NPAS3: variants seen among roughly 807,000 people sequenced by gnomAD.
The protein encoded by NPAS3 is neuronal PAS domain protein 3, also known as neuronal PAS domain-containing protein 3.
A neutral mutation model predicts 73.1 loss-of-function variants in NPAS3; 14 were observed. The observed-to-expected ratio is 0.19, with a 90% CI of 0.13 to 0.30. The LOEUF (loss-of-function observed/expected upper bound fraction) is 0.30. NPAS3 is among the 10% of genes least tolerant of loss of function. The probability of loss-of-function intolerance (pLI) is 1.00; values close to 1 mark genes in which losing one functional copy is unlikely to be tolerated. For missense variants in NPAS3, 1,096 were observed against 1,250.0 expected, an observed-to-expected ratio of 0.88 and a Z score of 1.86; for synonymous variants, 620 against 541.5, an observed-to-expected ratio of 1.14 and a Z score of -2.01.
chr14:33,745,924 T>C (rs115082422), intron 7 of NPAS3, among the ~76,000 whole-genome samples: 2,273 of 152,290 alleles, frequency 0.015, 63 homozygotes, highest in African/African-American at 0.052. Context: ...AAGACTAATA[T>C]AGCCCTTAAT....
chr14:33,384,440 C>A (rs2046690812), intron 4 of NPAS3, among the ~76,000 whole-genome samples: 1 of 150,950 alleles, frequency 6.6e-6, no homozygotes, highest in African/African-American at 2.4e-5. Flanking sequence ...AAAACAAATA[C>A]CATTGAAGGC....
intron 5 of NPAS3, among the ~76,000 whole-genome samples, chr14:33,609,371 G>A (rs1468111895): frequency 6.6e-6 from 1 of 152,146 alleles, no homozygotes; most frequent in Non-Finnish European, 1.5e-5. Context: ...TAGACTTGAA[G>A]GATGCTTGCT....
intron 3 of NPAS3, among the ~76,000 whole-genome samples, chr14:33,273,775 T>TTG (rs1264086147): frequency 6.6e-6 from 1 of 152,192 alleles, no homozygotes; most frequent in African/African-American, 2.4e-5. Flanking sequence ...GCAGGGGTAC[T>TTG]TGTTTTGTTG....
chr14:33,517,280 A>G (rs575188319), intron 4 of NPAS3, among the ~76,000 whole-genome samples: 2 of 152,182 alleles, frequency 1.3e-5, no homozygotes, highest in Admixed American at 1.3e-4. Context: ...TCTGGCAAAC[A>G]GGCTCAGTTC....
At chr14:33,607,248 T>C (rs1202189572) in intron 5 of NPAS3, among the ~76,000 whole-genome samples, 3 of 152,138 alleles carry the variant, frequency 2.0e-5, no homozygotes, top group Non-Finnish European at 2.9e-5. Flanking sequence ...TTTGTAATAG[T>C]CAAAAACTGG....
chr14:33,486,741 T>A (rs1490219115), intron 4 of NPAS3, among the ~76,000 whole-genome samples: 1 of 152,188 alleles, frequency 6.6e-6, no homozygotes, highest in Admixed American at 6.5e-5. Context: ...ACTTGGCCCC[T>A]CCTCAGGCAG....
At chr14:33,654,156 A>C (rs1436002986) in intron 5 of NPAS3, among the ~76,000 whole-genome samples, 1 of 149,626 alleles carries the variant, frequency 6.7e-6, no homozygotes, top group Non-Finnish European at 1.5e-5. Context: ...ACAAAACCTT[A>C]GGGAATCCAC....
chr14:33,560,406 A>G (rs1173355105), intron 5 of NPAS3, 196 bp downstream of exon 5: 1 of 450,242 alleles, frequency 2.2e-6, no homozygotes, highest in East Asian at 3.4e-5. Flanking sequence ...CTTGTGCTCA[A>G]AAACTTTAGT....
At chr14:33,493,518 C>T (rs137918788) in intron 4 of NPAS3, among the ~76,000 whole-genome samples, 1 of 152,168 alleles carries the variant, frequency 6.6e-6, no homozygotes, top group African/African-American at 2.4e-5. Context: ...TGTTTGTGTA[C>T]CCACATGTTG....
Position 33,614,895 on chromosome 14 carries a change from T to C in NPAS3, c.558+54685T>C, listed in dbSNP as rs1408344365. Among the ~76,000 whole-genome samples the C allele has an allele frequency of 3.3e-5, 5 of 152,216 alleles. No individual in the cohort carries two copies. The East Asian group carries it at 5.8e-4, about 18-fold the overall frequency. Reference sequence around the variant, plus strand: ...CTGCTTAGCACTATACCAAAATTTATAGTGCAAAGCAGAATGTAAGAAGCA... The same window carrying C: ...CTGCTTAGCACTATACCAAAATTTACAGTGCAAAGCAGAATGTAAGAAGCA... On this transcript the variant is annotated intron_variant, in intron 5 of 11. Coordinates refer to ENST00000356141, the Ensembl canonical transcript of NPAS3.
intron 1 of NPAS3, among the ~76,000 whole-genome samples, chr14:32,972,406 C>T (rs779988053): frequency 3.9e-5 from 6 of 152,140 alleles, no homozygotes; most frequent in Admixed American, 2.6e-4. Context: ...CATGTCTGTT[C>T]TATTTTTGAA....
chr14:33,142,775 T>C (rs1310234187), intron 2 of NPAS3, among the ~76,000 whole-genome samples: 2 of 152,222 alleles, frequency 1.3e-5, no homozygotes, highest in Admixed American at 6.5e-5. Context: ...CATTCCTTTT[T>C]GTCCTGGAGA....
chr14:33,127,916 A>G (rs895040443), intron 2 of NPAS3, among the ~76,000 whole-genome samples: 1 of 152,278 alleles, frequency 6.6e-6, no homozygotes, highest in Admixed American at 6.5e-5. Flanking sequence ...ACTAAGACTT[A>G]TTAAGGGAGG....
At chr14:33,403,480 A>C (rs1314490172) in intron 4 of NPAS3, among the ~76,000 whole-genome samples, 1 of 152,098 alleles carries the variant, frequency 6.6e-6, no homozygotes, top group African/African-American at 2.4e-5. Flanking sequence ...ACCTGCTTCT[A>C]TTATTCCTTC....
chr14:33,700,721 G>T (rs766265479), intron 6 of NPAS3, among the ~76,000 whole-genome samples: 11 of 152,198 alleles, frequency 7.2e-5, no homozygotes, highest in Non-Finnish European at 1.5e-4. Flanking sequence ...CCCTTCTCTA[G>T]ATAGTGATTG....
chr14:33,456,836 A>G (rs1051138380), intron 4 of NPAS3, among the ~76,000 whole-genome samples: 8 of 152,124 alleles, frequency 5.3e-5, no homozygotes, highest in Admixed American at 2.6e-4. Context: ...AAATGGGGGT[A>G]AAGGTTGAGT....
At chr14:33,704,825 T>C (rs942033783) in intron 6 of NPAS3, among the ~76,000 whole-genome samples, 1 of 152,176 alleles carries the variant, frequency 6.6e-6, no homozygotes, top group African/African-American at 2.4e-5. Context: ...TGCTGCTTAA[T>C]GGAGAGTTTA....
chr14:33,180,411 G>A (rs998485430), intron 2 of NPAS3, among the ~76,000 whole-genome samples: 2 of 152,012 alleles, frequency 1.3e-5, no homozygotes, highest in Admixed American at 6.6e-5. Flanking sequence ...CGAGATTTGC[G>A]TTTTTTATTA....
At chr14:33,010,574 A>G (rs964759668) in intron 1 of NPAS3, among the ~76,000 whole-genome samples, 4 of 152,240 alleles carry the variant, frequency 2.6e-5, no homozygotes, top group Non-Finnish European at 5.9e-5. Context: ...TGGCATAAAT[A>G]AGAATTAAGT....
Sources: gnomAD v4.1 joint callset for allele counts (sites outside exome capture counted in the v4.1 genomes callset) on GRCh38, gnomAD v4.1.1 for gene constraint, MANE v1.5 for transcripts, NCBI Gene and HGNC (gene_info 2026-07-23, HGNC 2026-07-21) for gene names.